Variants in ELMO2 observed in about 807,000 individuals in gnomAD.
ELMO2 encodes the protein engulfment and cell motility protein 2.
ELMO2 carries 37 observed loss-of-function variants against 96.2 expected under a neutral mutation model. The observed-to-expected ratio is 0.38, with a 90% CI of 0.30 to 0.51. ELMO2 has a LOEUF of 0.51. ELMO2 is among the 20% of genes least tolerant of loss of function. The pLI, the probability that ELMO2 is intolerant of heterozygous loss-of-function variation, is 0.88. For missense variants in ELMO2, 561 were observed against 912.6 expected (o/e 0.61, Z 4.96); for synonymous variants, 315 against 329.4 (o/e 0.96, Z 0.47).
Position 46,371,250 on chromosome 20 carries a change from A to G in ELMO2, c.1801+102T>C. 1 of 1,162,502 alleles carries G rather than the reference A, an allele frequency of 8.6e-7. No individual in the cohort carries two copies. Among genetic ancestry groups the G allele is most frequent in the Non-Finnish European group, 1.3e-6 (1 of 795,872 alleles). 72.0% of individuals were successfully genotyped at this position (1,162,502 alleles called of 1,614,324 possible). On this transcript the variant is annotated intron_variant, in intron 19 of 21. Transcript: ENST00000290246. The surrounding 1 kb of genome is among the most constrained non-coding windows in gnomAD (Gnocchi z 5.9). ...ATAAGGAAACAGGTCCAGAGAGGTA[A>G]CAGGTACAAGCCCAGATGATCAGCT...
chr20:46,393,333 TC>T (rs2060187123), intron 5 of ELMO2, among the ~76,000 whole-genome samples, 190 bp from the exon 6 acceptor site: 1 of 152,198 alleles, frequency 6.6e-6, no homozygotes. Context: ...CCCTGGGCAC[TC>T]AGGAAGTAAA....
At position 46,389,122 on chromosome 20, in the gene ELMO2, C is replaced by A; in HGVS notation, c.342G>T (p.Val114=). The change falls in exon 7 of 22, where the codon GTG becomes GTT. Residue 114 remains valine, a synonymous_variant. Coordinates refer to ENST00000290246, the MANE Select transcript of ELMO2 (RefSeq NM_133171.5). ...MKELAKLSAD[V]TFATEFINMD... is the part of the protein sequence containing the mutation. The stretch of plus-strand genomic sequence containing the variant: ...TGTTGATGAACTCAGTAGCGAAAGT[C>A]ACGTCGGCAGAGAGCTTGGCCAGCT... 6.2e-7 allele frequency: 1 copy of A among 1,614,178 alleles called. No individual in the cohort carries two copies. The highest frequency in any genetic ancestry group is 1.1e-5 in the South Asian group (1 of 91,070).
chr20:46,400,555 G>A (rs1303229519), intron 1 of ELMO2, among the ~76,000 whole-genome samples: 1 of 152,248 alleles, frequency 6.6e-6, no homozygotes, highest in Non-Finnish European at 1.5e-5. Context: ...TCCAGGCCCA[G>A]AGGGCCCCTT....
intron 21 of ELMO2, among the ~76,000 whole-genome samples, chr20:46,368,072 C>G (rs2059621020): frequency 1.3e-5 from 2 of 152,198 alleles, no homozygotes. Context: ...AGGAAGCCTT[C>G]TGATCCCACC....
At chr20:46,398,870 G>T (rs1230290109) in intron 1 of ELMO2, 99 bp from the exon 2 acceptor site, 1 of 152,176 alleles carries the variant, frequency 6.6e-6, no homozygotes, top group African/African-American at 2.4e-5. Flanking sequence ...CTAGGTCTTA[G>T]GACTCCAAAG....
At chr20:46,373,344 G>A in intron 16 of ELMO2, 55 bp downstream of exon 16, 1 of 1,602,680 alleles carries the variant, frequency 6.2e-7, no homozygotes, top group Non-Finnish European at 8.5e-7. Context: ...GCTGTCAAAG[G>A]CTGTCGTGTG....
chr20:46,373,744 T>G (rs1294181967), intron 15 of ELMO2, among the ~76,000 whole-genome samples: 1 of 152,168 alleles, frequency 6.6e-6, no homozygotes, highest in African/African-American at 2.4e-5. Context: ...TGTTACAGAC[T>G]CAGCCAGCCC....
In ELMO2 at chr20:46,374,407, G is replaced by A; in HGVS notation, c.1204C>T (p.His402Tyr). Residue 402 changes from histidine (H) to tyrosine (Y), a missense_variant, in exon 15 of 22, where the codon CAT becomes TAT. Coordinates refer to ENST00000290246, the MANE Select transcript of ELMO2 (RefSeq NM_133171.5). ...GCACTGCGGCCAAAGGGGCATTCAT[G>A]TTTGTCTTCCCGGCTACTGTTCTCC... is the stretch of plus-strand genomic sequence containing the variant. ...VLENSSREDK[H>Y]ECPFGRSAIE... The A allele has an allele frequency of 6.2e-7, 1 of 1,614,154 alleles. No individual in the cohort carries two copies. Among genetic ancestry groups the A allele is most frequent in the Non-Finnish European group, 8.5e-7 (1 of 1,180,040 alleles).
intron 15 of ELMO2, among the ~76,000 whole-genome samples, 163 bp from the exon 16 acceptor site, chr20:46,373,698 T>C (rs1290258079): frequency 1.3e-5 from 2 of 152,140 alleles, no homozygotes; most frequent in Non-Finnish European, 2.9e-5. Flanking sequence ...CTTAGCTTTC[T>C]TCTCCAGGGT....
At chr20:46,396,821 C>T (rs977424607) in intron 2 of ELMO2, among the ~76,000 whole-genome samples, 16 of 152,142 alleles carry the variant, frequency 1.1e-4, no homozygotes, top group Non-Finnish European at 8.8e-5. Context: ...AACCAAATCT[C>T]AGTTTTCTTC....
intron 19 of ELMO2, among the ~76,000 whole-genome samples, chr20:46,370,877 G>A (rs2059688406): frequency 6.6e-6 from 1 of 152,180 alleles, no homozygotes; most frequent in Non-Finnish European, 1.5e-5. Context: ...AGCAGTGGCA[G>A]CTGCTAACAG....
Position 46,375,280 on chromosome 20 carries a change from G to T in ELMO2, c.1021C>A (p.Arg341Ser). Reference sequence around the variant, plus strand: ...TAGTCCTTTGTGTACATGGCTTTGCGTTTTTCGGTCCCACTCCCAGGGGCA... The same window carrying T: ...TAGTCCTTTGTGTACATGGCTTTGCTTTTTTCGGTCCCACTCCCAGGGGCA... ...SNAPGSGTEKRKAMYTKDYKM... is the reference protein window; with the variant it reads ...SNAPGSGTEKSKAMYTKDYKM... Residue 341 changes from arginine to serine, a missense_variant, in exon 13 of 22, where the codon CGC (arginine) becomes AGC (serine). Arg to Ser is a moderately radical substitution (Grantham distance 110). Transcript: ENST00000290246. This position sits in a 1 kb window ranked among gnomAD's most constrained non-coding sequence, Gnocchi z 4.6. 2 of 1,614,096 alleles carry T rather than the reference G, an allele frequency of 1.2e-6. No individual in the cohort carries two copies. Among genetic ancestry groups the T allele is most frequent in the Non-Finnish European group, 1.7e-6 (2 of 1,180,030 alleles).
At chr20:46,373,332 C>T (rs772407895) in intron 16 of ELMO2, 67 bp downstream of exon 16, 1 of 1,589,514 alleles carries the variant, frequency 6.3e-7, no homozygotes, top group South Asian at 1.1e-5. Context: ...AGGTGCCAGC[C>T]AGCTGTCAAA....
chr20:46,387,190 A>G (rs2060061314), intron 8 of ELMO2, 148 bp downstream of exon 8: 1 of 644,242 alleles, frequency 1.6e-6, no homozygotes. Context: ...CAGAAGCCAC[A>G]GAAGACTAGA....
At chr20:46,385,978 G>C (rs1014054275) in intron 9 of ELMO2, 146 bp downstream of exon 9, 1 of 831,082 alleles carries the variant, frequency 1.2e-6, no homozygotes, top group African/African-American at 1.7e-5. Flanking sequence ...AGAAATTCTG[G>C]CAGGAGTGTG....
chr20:46,401,073 G>A (rs1397971282), intron 1 of ELMO2, among the ~76,000 whole-genome samples: 2 of 152,150 alleles, frequency 1.3e-5, no homozygotes, highest in Non-Finnish European at 2.9e-5. Context: ...TTTTGATTTG[G>A]TGAAGGAGGC....
At chr20:46,401,480 A>C (rs572059005) in intron 1 of ELMO2, among the ~76,000 whole-genome samples, 1 of 152,268 alleles carries the variant, frequency 6.6e-6, no homozygotes, top group South Asian at 2.1e-4. Flanking sequence ...CAGGGGAACT[A>C]TTTGGGTTTC....
Position 46,371,242 on chromosome 20 carries a change from G to C in ELMO2, c.1801+110C>G, listed in dbSNP as rs1568747279. ...GCTGACAGATAAGGAAACAGGTCCA[G>C]AGAGGTAACAGGTACAAGCCCAGAT... On this transcript the variant is annotated intron_variant, in intron 19 of 21. Transcript: ENST00000290246. The surrounding 1 kb of genome is among the most constrained non-coding windows in gnomAD (Gnocchi z 5.9). 9.3e-7 allele frequency: 1 copy of C among 1,080,588 alleles called. No homozygotes were observed. The highest frequency in any genetic ancestry group is 1.4e-6 in the Non-Finnish European group (1 of 729,570). 66.9% of individuals were successfully genotyped at this position (1,080,588 alleles called of 1,614,324 possible).
intron 1 of ELMO2, among the ~76,000 whole-genome samples, chr20:46,401,937 C>T (rs1425161792): frequency 1.3e-5 from 2 of 152,176 alleles, no homozygotes; most frequent in African/African-American, 4.8e-5. Flanking sequence ...TGTGCAGTCT[C>T]TTCCCTGGCT....
Sources: gnomAD v4.1 joint callset for allele counts (sites outside exome capture counted in the v4.1 genomes callset) on GRCh38, gnomAD v4.1.1 for gene constraint, Gnocchi (gnomAD v3.1) non-coding constraint, MANE v1.5 for transcripts, NCBI Gene and HGNC (gene_info 2026-07-23, HGNC 2026-07-21) for gene names.